Variants in NARS2 observed in about 807,000 individuals in gnomAD.
NARS2 encodes asparaginyl-tRNA synthetase 2, mitochondrial.
A neutral mutation model predicts 62.9 loss-of-function variants in NARS2; 60 were observed. The ratio of observed to expected loss-of-function variants is 0.95; its 90% CI spans 0.77 to 1.18. The LOEUF (loss-of-function observed/expected upper bound fraction) is 1.18, where lower values mean the gene tolerates loss of function less well. Among genes scored for constraint, NARS2 ranks in the 50% most tolerant of loss-of-function variants. The pLI is 0.00. For missense variants in NARS2, 619 were observed against 576.4 expected (o/e 1.07, Z -0.76); for synonymous variants, 196 against 200.0 (o/e 0.98, Z 0.17).
At chr11:78,491,660 G>A (rs1401153545) in intron 7 of NARS2, among the ~76,000 whole-genome samples, 1 of 152,138 alleles carries the variant, frequency 6.6e-6, no homozygotes, top group Admixed American at 6.5e-5. Context: ...AAGAAGCTAA[G>A]GCCTCTGTTT....
At chr11:78,470,013 A>G (rs1296845210) in intron 9 of NARS2, among the ~76,000 whole-genome samples, 2 of 152,176 alleles carry the variant, frequency 1.3e-5, no homozygotes, top group African/African-American at 4.8e-5. Flanking sequence ...CAGCAAGTAC[A>G]AGGACCTGAA....
chr11:78,541,451 T>C (rs1855618867), intron 5 of NARS2, among the ~76,000 whole-genome samples: 1 of 152,120 alleles, frequency 6.6e-6, no homozygotes, highest in Admixed American at 6.5e-5. Context: ...TATACCACTG[T>C]GCCCAGCTCT....
intron 5 of NARS2, among the ~76,000 whole-genome samples, chr11:78,547,148 T>G (rs143312096): frequency 2.0e-5 from 3 of 151,796 alleles, no homozygotes; most frequent in African/African-American, 7.3e-5. Context: ...CTGGACAACA[T>G]AGCAAGACCC....
At chr11:78,501,262 G>C (rs561356550) in intron 6 of NARS2, among the ~76,000 whole-genome samples, 2 of 152,164 alleles carry the variant, frequency 1.3e-5, no homozygotes, top group Non-Finnish European at 2.9e-5. Context: ...AACAAAAGGT[G>C]GCTAGATTCT....
chr11:78,465,677 A>G (rs1222772234), intron 11 of NARS2, among the ~76,000 whole-genome samples, 199 bp downstream of exon 11: 2 of 152,202 alleles, frequency 1.3e-5, no homozygotes, highest in African/African-American at 4.8e-5. Context: ...TAAGAAGAAG[A>G]CCTTGTGACA....
Position 78,574,514 on chromosome 11 carries a change from G to A in NARS2, c.-26C>T, listed in dbSNP as rs1437023754. 2 of 1,589,528 alleles carry A rather than the reference G, an allele frequency of 1.3e-6. No individual in the cohort carries two copies. The highest frequency in any genetic ancestry group is 2.3e-5 in the East Asian group (1 of 43,806). On this transcript the variant is annotated 5_prime_UTR_variant, in exon 1 of 14. Coordinates refer to ENST00000281038, the MANE Select transcript of NARS2 (RefSeq NM_024678.6). Reference sequence around the variant, plus strand: ...CCCGCGTCCGCCCAGGCCCTCCGCGGGAGCAGCCCAGACCCCACGGTTCGA... The same window carrying A: ...CCCGCGTCCGCCCAGGCCCTCCGCGAGAGCAGCCCAGACCCCACGGTTCGA...
intron 6 of NARS2, among the ~76,000 whole-genome samples, chr11:78,505,427 A>G (rs1325933777): frequency 6.6e-6 from 1 of 151,972 alleles, no homozygotes; most frequent in African/African-American, 2.4e-5. Flanking sequence ...ATAGTATTTC[A>G]AGTTTTTAAA....
chr11:78,481,344 G>T (rs541905479), intron 7 of NARS2, among the ~76,000 whole-genome samples: 1 of 152,266 alleles, frequency 6.6e-6, no homozygotes, highest in Admixed American at 6.5e-5. Context: ...CTTCAATTCA[G>T]CAGTGAGATA....
chr11:78,521,537 T>A (rs1398166580), intron 6 of NARS2, among the ~76,000 whole-genome samples: 1 of 152,066 alleles, frequency 6.6e-6, no homozygotes, highest in Non-Finnish European at 1.5e-5. Flanking sequence ...ACGCCTGTAA[T>A]CCCAGCACTT....
At chr11:78,468,762 T>C (rs369693765) in intron 10 of NARS2, among the ~76,000 whole-genome samples, 8 of 151,922 alleles carry the variant, frequency 5.3e-5, no homozygotes, top group Non-Finnish European at 7.4e-5. Context: ...TAGTTGACTT[T>C]TACAGTAATA....
At chr11:78,529,118 A>C (rs1350427725) in intron 5 of NARS2, among the ~76,000 whole-genome samples, 182 bp from the exon 6 acceptor site, 5 of 152,162 alleles carry the variant, frequency 3.3e-5, no homozygotes. Flanking sequence ...AAGTGCTAAT[A>C]AAGGCAAGGA....
At chr11:78,481,780 G>C (rs948006582) in intron 7 of NARS2, among the ~76,000 whole-genome samples, 1 of 152,182 alleles carries the variant, frequency 6.6e-6, no homozygotes, top group African/African-American at 2.4e-5. Flanking sequence ...AGACCACTCT[G>C]TATAAAGATG....
At chr11:78,485,528 G>A (rs543380260) in intron 7 of NARS2, among the ~76,000 whole-genome samples, 32 of 152,252 alleles carry the variant, frequency 2.1e-4, no homozygotes, top group Middle Eastern at 3.4e-3. Flanking sequence ...ATGAATTTTA[G>A]TTCCATTTTT....
intron 3 of NARS2, among the ~76,000 whole-genome samples, chr11:78,567,838 A>C (rs577825406): frequency 6.4e-4 from 98 of 152,312 alleles, no homozygotes; most frequent in African/African-American, 2.3e-3. Flanking sequence ...GTGTAGCAAA[A>C]ACACAGAGGA....
At position 78,457,537 on chromosome 11, in the gene NARS2, A is replaced by G. The variant is rs147973689; in HGVS notation, c.1164+8339T>C. 9.4e-3 allele frequency among the ~76,000 whole-genome samples: 1,427 copies of G among 152,354 alleles called. 9 individuals carry two copies. The highest frequency in any genetic ancestry group is 0.015 in the Non-Finnish European group (1,002 of 68,024). ...AGAAATGTACACTGCTAATGTACCA[A>G]TGTTATTCTCTATGGCTAATGTAAC... On this transcript the variant is annotated intron_variant, in intron 11 of 13. Coordinates refer to ENST00000281038, the MANE Select transcript of NARS2 (RefSeq NM_024678.6).
chr11:78,544,118 C>G (rs992483785), intron 5 of NARS2, among the ~76,000 whole-genome samples: 1 of 151,548 alleles, frequency 6.6e-6, no homozygotes, highest in African/African-American at 2.4e-5. Flanking sequence ...TATCTGTCCA[C>G]CTAAAATACA....
At chr11:78,460,322 G>C (rs1007274560) in intron 11 of NARS2, among the ~76,000 whole-genome samples, 1 of 151,172 alleles carries the variant, frequency 6.6e-6, no homozygotes, top group African/African-American at 2.4e-5. Context: ...GTCCAGGCTG[G>C]TCCGGAACTC....
chr11:78,571,581 T>A (rs1172748279), intron 1 of NARS2, 137 bp from the exon 2 acceptor site: 2 of 609,780 alleles, frequency 3.3e-6, no homozygotes, highest in Non-Finnish European at 5.9e-6. Context: ...AGTTCACCAA[T>A]ATGCATACTT....
intron 9 of NARS2, among the ~76,000 whole-genome samples, chr11:78,474,267 TAA>T (rs1268772136): frequency 6.6e-6 from 1 of 152,176 alleles, no homozygotes. Flanking sequence ...TCAGAAAAGT[TAA>T]AGATTCACTA....
Sources: allele counts gnomAD v4.1 joint callset (sites outside exome capture counted in the v4.1 genomes callset), GRCh38; gene constraint gnomAD v4.1.1; transcripts MANE v1.5; gene names NCBI Gene and HGNC (gene_info 2026-07-23, HGNC 2026-07-21).